The following PPP2R5A variants were observed in gnomAD, a reference collection of about 807,000 sequenced individuals.
PPP2R5A encodes the protein protein phosphatase 2 regulatory subunit B'alpha.
PPP2R5A carries 25 observed loss-of-function variants against 64.2 expected under a neutral mutation model. That is an observed-to-expected ratio of 0.39 (90% CI 0.28 to 0.54). PPP2R5A has a LOEUF of 0.54. PPP2R5A is among the 20% of genes least tolerant of loss of function. The pLI is 0.67. For synonymous variants in PPP2R5A, 198 were observed against 201.2 expected, an observed-to-expected ratio of 0.98 and a Z score of 0.13; for missense variants, 425 against 576.3, an observed-to-expected ratio of 0.74 and a Z score of 2.69.
At chr1:212,337,146 A>G (rs1659604866) in intron 3 of PPP2R5A, among the ~76,000 whole-genome samples, 2 of 152,206 alleles carry the variant, frequency 1.3e-5, no homozygotes, top group African/African-American at 4.8e-5. Flanking sequence ...CTTCTAATTT[A>G]TTAAGTGTAG....
In PPP2R5A at chr1:212,360,960, C is replaced by G; in HGVS notation, c.*190C>G. On this transcript the variant is annotated 3_prime_UTR_variant, in exon 13 of 13. Transcript: ENST00000261461. ...TATCATGGCCATAGTATATTGTAAC[C>G]TTTGTCTAATCATTGGATTTATTGT... 1 of 388,410 alleles carries G rather than the reference C, an allele frequency of 2.6e-6. No homozygotes were observed. Among genetic ancestry groups the G allele is most frequent in the South Asian group, 1.3e-4 (1 of 7,678 alleles). 24.1% of individuals were successfully genotyped at this position (388,410 alleles called of 1,614,324 possible).
At chr1:212,339,861 G>A (rs1486536534) in intron 3 of PPP2R5A, among the ~76,000 whole-genome samples, 1 of 151,874 alleles carries the variant, frequency 6.6e-6, no homozygotes, top group Non-Finnish European at 1.5e-5. Flanking sequence ...GCCACATTTG[G>A]CTCATGTTTA....
chr1:212,352,191 GT>G (rs995563617), intron 8 of PPP2R5A, among the ~76,000 whole-genome samples: 3 of 148,550 alleles, frequency 2.0e-5, no homozygotes, highest in Non-Finnish European at 3.0e-5. Flanking sequence ...GCCCGGCTAG[GT>G]TTTTTTTTGT....
chr1:212,357,308 T>A, intron 11 of PPP2R5A, 24 bp downstream of exon 11: 1 of 1,504,746 alleles, frequency 6.6e-7, no homozygotes, highest in Non-Finnish European at 8.9e-7. Context: ...ATATAGGTCG[T>A]ATTTTTTTCT....
chr1:212,330,413 A>G (rs1244611760), intron 2 of PPP2R5A, among the ~76,000 whole-genome samples: 1 of 151,928 alleles, frequency 6.6e-6, no homozygotes, highest in Non-Finnish European at 1.5e-5. Flanking sequence ...GCATGGTGGC[A>G]TGAGCCTTTA....
intron 1 of PPP2R5A, among the ~76,000 whole-genome samples, chr1:212,292,236 G>A (rs894635361): frequency 2.6e-5 from 4 of 152,092 alleles, no homozygotes; most frequent in African/African-American, 9.7e-5. Context: ...TTCCTATTTT[G>A]TCTTTGTCTT....
At chr1:212,346,008 ATTTG>A (rs778084296) in intron 5 of PPP2R5A, 75 bp downstream of exon 5, 6 of 1,427,408 alleles carry the variant, frequency 4.2e-6, no homozygotes, top group Non-Finnish European at 5.7e-6. Context: ...TTTTATTTTT[ATTTG>A]TTTTTTTGAG....
At chr1:212,357,558 C>T (rs1243999560) in intron 11 of PPP2R5A, 3 of 185,048 alleles carry the variant, frequency 1.6e-5, no homozygotes, top group Non-Finnish European at 3.3e-5. Context: ...AATCCCAGCA[C>T]TTTGGGAGGC....
intron 1 of PPP2R5A, among the ~76,000 whole-genome samples, chr1:212,297,139 G>T (rs2492747): frequency 0.42 from 6,315 of 14,966 alleles, 1,567 homozygotes; most frequent in African/African-American, 0.54. Context: ...TTTTTTTTTT[G>T]GAGACGGAGT....
rs774943262 is a variant in PPP2R5A at position 212,329,334 on chromosome 1, A to C, written c.378+3A>C. 3 of 1,555,260 alleles carry C rather than the reference A, an allele frequency of 1.9e-6. No individual in the cohort carries two copies. The highest frequency in any genetic ancestry group is 2.0e-5 in the Admixed American group (1 of 51,050). On this transcript the variant is annotated splice_donor_region_variant and intron_variant, in intron 2 of 12. Coordinates refer to ENST00000261461, the MANE Select transcript of PPP2R5A (RefSeq NM_006243.4). ...CGTATTCTGATATAGTAAAAATGGT[A>C]AGCCTCTAGAATTATGTTCCTCAGA...
intron 1 of PPP2R5A, among the ~76,000 whole-genome samples, chr1:212,302,947 T>C (rs892068273): frequency 2.6e-5 from 4 of 152,156 alleles, no homozygotes; most frequent in African/African-American, 7.2e-5. Flanking sequence ...TATGGCTGAA[T>C]AATATTCTAT....
At chr1:212,290,188 G>C (rs1249374849) in intron 1 of PPP2R5A, among the ~76,000 whole-genome samples, 2 of 152,180 alleles carry the variant, frequency 1.3e-5, no homozygotes, top group Non-Finnish European at 2.9e-5. Context: ...TAGTGGTGTT[G>C]ATTGCAGTGC....
At chr1:212,305,099 C>T (rs1658873207) in intron 1 of PPP2R5A, among the ~76,000 whole-genome samples, 1 of 143,262 alleles carries the variant, frequency 7.0e-6, no homozygotes, top group African/African-American at 2.6e-5. Context: ...TGCAGTGGCT[C>T]CATCTCAGCT....
intron 1 of PPP2R5A, among the ~76,000 whole-genome samples, chr1:212,291,603 C>G (rs999097337): frequency 6.6e-6 from 1 of 152,230 alleles, no homozygotes; most frequent in Non-Finnish European, 1.5e-5. Flanking sequence ...CCTTTTCTCT[C>G]TGATACTCAT....
At chr1:212,308,480 C>A (rs1029571636) in intron 1 of PPP2R5A, among the ~76,000 whole-genome samples, 1 of 148,754 alleles carries the variant, frequency 6.7e-6, no homozygotes, top group African/African-American at 2.5e-5. Context: ...ATGATCTTGG[C>A]TCACTGCAAC....
chr1:212,308,699 G>A (rs997858920), intron 1 of PPP2R5A, among the ~76,000 whole-genome samples: 9 of 152,042 alleles, frequency 5.9e-5, no homozygotes, highest in African/African-American at 1.2e-4. Flanking sequence ...CTGAGCCACC[G>A]CACCTGGCTG....
chr1:212,350,616 T>C (rs893611054), intron 8 of PPP2R5A, among the ~76,000 whole-genome samples: 33 of 150,842 alleles, frequency 2.2e-4, no homozygotes, highest in African/African-American at 7.8e-4. Context: ...CTCATACCAG[T>C]GCACTCCAGC....
At chr1:212,328,120 T>G (rs1659439020) in intron 1 of PPP2R5A, among the ~76,000 whole-genome samples, 1 of 152,222 alleles carries the variant, frequency 6.6e-6, no homozygotes, top group Non-Finnish European at 1.5e-5. Context: ...TAGCCGTTGG[T>G]TCCTGCTTTT....
intron 4 of PPP2R5A, 126 bp downstream of exon 4, chr1:212,342,406 C>A: frequency 8.1e-7 from 1 of 1,229,126 alleles, no homozygotes; most frequent in Non-Finnish European, 1.1e-6. Context: ...AATATTACTG[C>A]CAAACCATTA....
Sources: gnomAD v4.1 joint callset for allele counts (sites outside exome capture counted in the v4.1 genomes callset) on GRCh38, gnomAD v4.1.1 for gene constraint, MANE v1.5 for transcripts, NCBI Gene and HGNC (gene_info 2026-07-23, HGNC 2026-07-21) for gene names.